Variants in ZNF462 observed in about 807,000 individuals in gnomAD.
The protein encoded by ZNF462 is zinc finger PBX1-interacting protein.
Under a neutral mutation model 201.9 loss-of-function variants are expected in ZNF462, and 10 were observed. The observed-to-expected ratio is 0.05, with a 90% CI of 0.03 to 0.08. ZNF462 has a LOEUF of 0.08. Ranked by LOEUF, ZNF462 falls within the 10% of genes least tolerant of loss-of-function variation. The probability of loss-of-function intolerance (pLI) is 1.00; values close to 1 mark genes in which losing one functional copy is unlikely to be tolerated. For synonymous variants in ZNF462, 1,227 were observed against 1,193.3 expected (o/e 1.03, Z -0.58); for missense variants, 2,523 against 3,168.3 (o/e 0.80, Z 4.89).
chr9:106,896,802 C>T (rs1160858552), intron 1 of ZNF462, among the ~76,000 whole-genome samples: 1 of 152,206 alleles, frequency 6.6e-6, no homozygotes, highest in East Asian at 1.9e-4. Context: ...GATCACAAGG[C>T]ATTGACATTT....
intron 10 of ZNF462, among the ~76,000 whole-genome samples, chr9:106,991,395 T>C (rs1378037903): frequency 1.3e-5 from 2 of 151,978 alleles, no homozygotes; most frequent in Non-Finnish European, 2.9e-5. Flanking sequence ...TGAGAGAAAT[T>C]TATAAAACTA....
At chr9:106,897,340 T>C (rs2131130917) in intron 1 of ZNF462, among the ~76,000 whole-genome samples, 1 of 152,314 alleles carries the variant, frequency 6.6e-6, no homozygotes, top group African/African-American at 2.4e-5. Context: ...AGAATTCCCT[T>C]AGTACAGGTT....
rs1311348151 is a variant in ZNF462 at position 106,876,955 on chromosome 9, C to T, written c.-31+13600C>T. ...TGGCTTAGAAATGCTTTGGTTTTCT[C>T]TGTGCAAATGTTTATTTCAATAGTC... On this transcript the variant is annotated intron_variant, in intron 1 of 12. Transcript: ENST00000277225. The surrounding 1 kb of genome is among the most constrained non-coding windows in gnomAD (Gnocchi z 4.9). 6.6e-6 allele frequency among the ~76,000 whole-genome samples: 1 copy of T among 152,170 alleles called. No individual in the cohort carries two copies. The highest frequency in any genetic ancestry group is 1.5e-5 in the Non-Finnish European group (1 of 68,050).
chr9:106,864,065 T>C (rs897865259), intron 1 of ZNF462, among the ~76,000 whole-genome samples: 7 of 111,148 alleles, frequency 6.3e-5, no homozygotes, highest in East Asian at 2.6e-4. Flanking sequence ...TCTCTCTCTC[T>C]CTCTCTCTCT....
rs147574890 is a variant in ZNF462, at chr9:107,010,841, G to A, written c.7332G>A (p.Lys2444=). The A allele has an allele frequency of 9.9e-5, 159 of 1,612,884 alleles. No individual in the cohort carries two copies. The African/African-American group carries it at 1.7e-3, about 18-fold the overall frequency. The change falls in exon 13 of 13, where the codon AAG becomes AAA. Residue 2444 remains lysine, a synonymous_variant. Transcript: ENST00000277225. The surrounding 1 kb of genome is among the most constrained non-coding windows in gnomAD (Gnocchi z 4.6). ...TTTCCAGGGCATTGAATGACACCAA[G>A]CAGGTGAGCAGAGAAGAAATCCACC... The part of the protein sequence containing the change: ...LRHGMALNDT[K]QVSREEIHPK...
At position 106,928,772 on chromosome 9, in the gene ZNF462, G is replaced by A; in HGVS notation, c.4860G>A (p.Glu1620=). The change falls in exon 3 of 13, where the codon GAG becomes GAA. Residue 1620 remains glutamate, a synonymous_variant. Transcript: ENST00000277225. The surrounding 1 kb of genome is among the most constrained non-coding windows in gnomAD (Gnocchi z 9.3). Reference sequence around the variant, plus strand: ...CCCCGAAGCTGCCAGTCCCCCTCGAGCCCGAGATGACCACTGAAGTGAGCC... The same window carrying A: ...CCCCGAAGCTGCCAGTCCCCCTCGAACCCGAGATGACCACTGAAGTGAGCC... ...QSPPKLPVPL[E]PEMTTEVSPS... is the part of the protein sequence containing the mutation. 2 of 1,614,096 alleles carry A rather than the reference G, an allele frequency of 1.2e-6. No individual in the cohort carries two copies. The highest frequency in any genetic ancestry group is 1.7e-6 in the Non-Finnish European group (2 of 1,180,014).
chr9:106,885,738 A>G lies in ZNF462; in HGVS notation c.-31+22383A>G, dbSNP rs907842573. ...CCTTTAGGCGTATGGTGCAGAGCTC[A>G]TGCTACCATCAAGACTTTAGAACAA... On this transcript the variant is annotated intron_variant, in intron 1 of 12. Transcript: ENST00000277225. This position sits in a 1 kb window ranked among gnomAD's most constrained non-coding sequence, Gnocchi z 4.1. 6.6e-6 allele frequency among the ~76,000 whole-genome samples: 1 copy of G among 152,214 alleles called. No individual in the cohort carries two copies. Among genetic ancestry groups the G allele is most frequent in the Non-Finnish European group, 1.5e-5 (1 of 68,030 alleles).
chr9:106,868,827 G>A (rs1235898509), intron 1 of ZNF462, among the ~76,000 whole-genome samples: 1 of 152,150 alleles, frequency 6.6e-6, no homozygotes. Context: ...CTTCTCCAGG[G>A]CCCACAGCTT....
chr9:106,993,960 C>T lies in ZNF462; in HGVS notation c.7057-9334C>T, dbSNP rs1023427745. Among the ~76,000 whole-genome samples, 1 of 152,080 alleles carries T rather than the reference C, an allele frequency of 6.6e-6. No individual in the cohort carries two copies. Among genetic ancestry groups the T allele is most frequent in the Non-Finnish European group, 1.5e-5 (1 of 68,004 alleles). ...AAGTCATGAAGAAAAACAAACCTTG[C>T]ACTTCTCACATTTAAAAAATACACA... On this transcript the variant is annotated intron_variant, in intron 10 of 12. Transcript: ENST00000277225. This position sits in a 1 kb window ranked among gnomAD's most constrained non-coding sequence, Gnocchi z 4.0.
chr9:106,992,194 C>G (rs1250292215), intron 10 of ZNF462, among the ~76,000 whole-genome samples: 2 of 151,982 alleles, frequency 1.3e-5, no homozygotes, highest in Non-Finnish European at 1.5e-5. Flanking sequence ...TGAATAGACA[C>G]CTTACCAAAG....
In ZNF462 at chr9:106,930,504, G is replaced by A. The variant is rs1040967821; in HGVS notation, c.5848-21G>A. On this transcript the variant is annotated intron_variant, in intron 3 of 12. Coordinates refer to ENST00000277225, the MANE Select transcript of ZNF462 (RefSeq NM_021224.6). This position sits in a 1 kb window ranked among gnomAD's most constrained non-coding sequence, Gnocchi z 5.8. ...TGAGGGAGGGCTCGGAGTACTGATG[G>A]CTACCACTGTATTTTACCAGCCTTT... 2 of 1,613,200 alleles carry A rather than the reference G, an allele frequency of 1.2e-6. No individual in the cohort carries two copies. Among genetic ancestry groups the A allele is most frequent in the Non-Finnish European group, 1.7e-6 (2 of 1,179,262 alleles).
chr9:106,863,052 GAGAGGAGAGAGA>G (rs1015608741), upstream of ZNF462: 65 of 393,058 alleles, frequency 1.7e-4, no homozygotes, highest in South Asian at 1.5e-3. Flanking sequence ...GGAGAGGGAG[GAGAGGAGAGAGA>G]AGAGGAGAGA....
In ZNF462 at chr9:106,929,246, C is replaced by T; in HGVS notation, c.5334C>T (p.Ser1778=). 1 of 1,614,176 alleles carries T rather than the reference C, an allele frequency of 6.2e-7. No homozygotes were observed. Among genetic ancestry groups the T allele is most frequent in the Non-Finnish European group, 8.5e-7 (1 of 1,180,034 alleles). Reference sequence around the variant, plus strand: ...CCTTGTGCTCTTTCCAGTCGTTCAGCAAGAAGGGCATCGTGTCCCATTACA... The same window carrying T: ...CCTTGTGCTCTTTCCAGTCGTTCAGTAAGAAGGGCATCGTGTCCCATTACA... ...KCSLCSFQSF[S]KKGIVSHYMK... Residue 1778 remains serine (S), a synonymous_variant, in exon 3 of 13, where the codon AGC becomes AGT. Coordinates refer to ENST00000277225, the MANE Select transcript of ZNF462 (RefSeq NM_021224.6). The surrounding 1 kb of genome is among the most constrained non-coding windows in gnomAD (Gnocchi z 8.7).
At chr9:106,939,470 A>C (rs1830774004) in intron 7 of ZNF462, among the ~76,000 whole-genome samples, 1 of 152,198 alleles carries the variant, frequency 6.6e-6, no homozygotes, top group Non-Finnish European at 1.5e-5. Context: ...TCTTGTTCTA[A>C]AAATATGTGC....
In ZNF462 at chr9:106,981,374, A is replaced by G. The variant is rs1457081275; in HGVS notation, c.6833-2812A>G. ...GGAGAGTTCTTATCAGGGGTCCAAG[A>G]GGAGGGCCCTGGCAGAGATCAGAAG... On this transcript the variant is annotated intron_variant, in intron 9 of 12. Transcript: ENST00000277225. This position sits in a 1 kb window ranked among gnomAD's most constrained non-coding sequence, Gnocchi z 4.0. 6.6e-6 allele frequency among the ~76,000 whole-genome samples: 1 copy of G among 152,196 alleles called. No homozygotes were observed. The highest frequency in any genetic ancestry group is 1.5e-5 in the Non-Finnish European group (1 of 68,024).
chr9:107,000,015 A>G (rs1829063832), intron 10 of ZNF462, among the ~76,000 whole-genome samples: 1 of 152,058 alleles, frequency 6.6e-6, no homozygotes, highest in Admixed American at 6.6e-5. Context: ...CTGTGAACAC[A>G]TGGAACAAGG....
chr9:106,899,998 A>C, intron 1 of ZNF462, among the ~76,000 whole-genome samples: 1 of 132,666 alleles, frequency 7.5e-6, no homozygotes, highest in African/African-American at 2.8e-5. Context: ...CCCCCCTCCC[A>C]CTCTTCCCCC....
At chr9:106,965,060 T>C (rs762208336) in intron 7 of ZNF462, among the ~76,000 whole-genome samples, 1 of 152,104 alleles carries the variant, frequency 6.6e-6, no homozygotes, top group Non-Finnish European at 1.5e-5. Flanking sequence ...AATCACAATG[T>C]GTATGTATTG....
rs534020444 is a variant in ZNF462 at position 106,990,286 on chromosome 9, G to A, written c.7056+5877G>A. On this transcript the variant is annotated intron_variant, in intron 10 of 12. Transcript: ENST00000277225. ...TTATTCCACTCTGGTCTGAGAGACT[G>A]CTTGATACAATTTCAATTTTCTTAA... Among the ~76,000 whole-genome samples, 119 of 152,066 alleles carry A rather than the reference G, an allele frequency of 7.8e-4. 1 individual carries two copies. Among genetic ancestry groups the A allele is most frequent in the African/African-American group, 2.8e-3 (116 of 41,532 alleles).
Sources: allele counts gnomAD v4.1 joint callset (sites outside exome capture counted in the v4.1 genomes callset), GRCh38; gene constraint gnomAD v4.1.1; non-coding constraint Gnocchi (gnomAD v3.1); transcripts MANE v1.5; gene names NCBI Gene and HGNC (gene_info 2026-07-23, HGNC 2026-07-21).